The following MARS1 variants were observed in gnomAD, a reference collection of about 807,000 sequenced individuals.
MARS1 encodes methionine--tRNA ligase, cytoplasmic.
MARS1 carries 80 observed loss-of-function variants against 119.5 expected under a neutral mutation model. The ratio of observed to expected loss-of-function variants is 0.67; its 90% CI spans 0.56 to 0.81. The LOEUF (loss-of-function observed/expected upper bound fraction) is 0.81, where lower values mean the gene tolerates loss of function less well. Among genes scored for constraint, MARS1 ranks in the 30% least tolerant of loss-of-function variants. The pLI is 0.00. For missense variants in MARS1, 945 were observed against 1,116.5 expected (o/e 0.85, Z 2.19); for synonymous variants, 418 against 433.4 (o/e 0.96, Z 0.44).
chr12:57,490,795 T>A (rs1875892800), intron 7 of MARS1, 151 bp downstream of exon 7: 1 of 616,314 alleles, frequency 1.6e-6, no homozygotes, highest in Non-Finnish European at 2.8e-6. Flanking sequence ...TTTTTTTTTT[T>A]TTTTTTTTAC....
chr12:57,496,003 C>T (rs991139107), intron 7 of MARS1, among the ~76,000 whole-genome samples: 2 of 151,966 alleles, frequency 1.3e-5, no homozygotes, highest in Non-Finnish European at 2.9e-5. Flanking sequence ...AGTGGGAGAC[C>T]GTGGAAAGTC....
At position 57,500,618 on chromosome 12, in the gene MARS1, C is replaced by T; in HGVS notation, c.1293+96C>T. ...CATTTAGGATTTTTATTTTAGCATT[C>T]TAGACCTTTAACCAGTGGCCCTTTC... On this transcript the variant is annotated intron_variant, in intron 10 of 20. Coordinates refer to ENST00000262027, the MANE Select transcript of MARS1 (RefSeq NM_004990.4). 5 of 1,225,424 alleles carry T rather than the reference C, an allele frequency of 4.1e-6. No homozygotes were observed. In the South Asian group the frequency reaches 4.1e-5, roughly 10 times the overall value. The allele number at this position is 1,225,424 out of a possible 1,614,324, so 75.9% of individuals were successfully genotyped here.
In MARS1 at chr12:57,498,448, C is replaced by T; in HGVS notation, c.916C>T (p.Leu306Phe). The part of the protein sequence containing the change: ...RYSRLRQWNT[L>F]YLCGTDEYGT... ...CTCTCGCCTCCGCCAGTGGAACACC[C>T]TCTATCTGTGTGGGACAGATGAGTA... Residue 306 changes from leucine (L) to phenylalanine (F), a missense_variant, in exon 9 of 21, where the codon CTC becomes TTC. Coordinates refer to ENST00000262027, the MANE Select transcript of MARS1 (RefSeq NM_004990.4). 2 of 1,614,122 alleles carry T rather than the reference C, an allele frequency of 1.2e-6. No homozygotes were observed. Among genetic ancestry groups the T allele is most frequent in the Non-Finnish European group, 8.5e-7 (1 of 1,180,044 alleles).
intron 15 of MARS1, among the ~76,000 whole-genome samples, chr12:57,514,058 T>G (rs1594834667): frequency 1.0e-5 from 1 of 98,674 alleles, no homozygotes; most frequent in Non-Finnish European, 2.0e-5. Context: ...GTGAGAATCC[T>G]CAAAAAAAAA....
At chr12:57,493,393 A>G (rs1484781477) in intron 7 of MARS1, among the ~76,000 whole-genome samples, 1 of 9,658 alleles carries the variant, frequency 1.0e-4, no homozygotes, top group Non-Finnish European at 1.8e-4. Flanking sequence ...AATATATTAT[A>G]TATAATATAT....
At position 57,498,243 on chromosome 12, in the gene MARS1, G is replaced by T; in HGVS notation, c.857G>T (p.Gly286Val). The T allele has an allele frequency of 6.2e-7, 1 of 1,614,188 alleles. No individual in the cohort carries two copies. Residue 286 changes from glycine to valine, a missense_variant, in exon 8 of 21, where the codon GGT becomes GTT. Gly to Val is a moderately radical substitution (Grantham distance 109). Transcript: ENST00000262027. Reference sequence around the variant, plus strand: ...GTCCCCCACCTTGGGAACATCATTGGTTGTGTGCTCAGTGCCGATGTCTTT... The same window carrying T: ...GTCCCCCACCTTGGGAACATCATTGTTTGTGTGCTCAGTGCCGATGTCTTT... ...NNVPHLGNII[G>V]CVLSADVFAR... is the part of the protein sequence containing the mutation.
At chr12:57,488,276 G>C (rs1875611398) in intron 1 of MARS1, 77 bp downstream of exon 1, 1 of 1,391,026 alleles carries the variant, frequency 7.2e-7, no homozygotes, top group South Asian at 1.2e-5. Flanking sequence ...AGCTGTCTTT[G>C]CCAAACCCCT....
Position 57,512,785 on chromosome 12 carries a change from G to C in MARS1, c.1788G>C (p.Lys596Asn). The C allele has an allele frequency of 7.4e-6, 12 of 1,614,168 alleles. No homozygotes were observed. The highest frequency in any genetic ancestry group is 9.3e-6 in the Non-Finnish European group (11 of 1,180,000). Residue 596 changes from lysine (K) to asparagine (N), a missense_variant, in exon 15 of 21, where the codon AAG becomes AAC. Lys to Asn is a moderately conservative substitution (Grantham distance 94, BLOSUM62 0). Coordinates refer to ENST00000262027, the MANE Select transcript of MARS1 (RefSeq NM_004990.4). ...YLNYEDGKFS[K>N]SRGVGVFGDM... ...ACTATGAGGATGGGAAATTCTCTAA[G>C]AGCCGCGGTGTGGGAGTGTTTGGGG... is the stretch of plus-strand genomic sequence containing the variant.
At position 57,504,270 on chromosome 12, in the gene MARS1, A is replaced by C; in HGVS notation, c.1339A>C (p.Ser447Arg). The part of the protein sequence containing the change: ...VCRSCPVVQS[S>R]QHLFLDLPKL... ...CCGATCATGCCCTGTGGTGCAGTCG[A>C]GCCAGCACCTGTTTCTGGACCTGCC... is the stretch of plus-strand genomic sequence containing the variant. The change falls in exon 11 of 21, where the codon AGC becomes CGC. Residue 447 changes from serine (S) to arginine (R), a missense_variant. Transcript: ENST00000262027. The C allele has an allele frequency of 6.2e-7, 1 of 1,614,166 alleles. No homozygotes were observed.
chr12:57,511,107 T>C (rs944376731), intron 11 of MARS1, among the ~76,000 whole-genome samples: 3 of 150,788 alleles, frequency 2.0e-5, no homozygotes, highest in African/African-American at 4.9e-5. Context: ...AAGAATGACA[T>C]GCAAACTTGT....
At chr12:57,505,684 A>G (rs1877150410) in intron 11 of MARS1, among the ~76,000 whole-genome samples, 1 of 151,752 alleles carries the variant, frequency 6.6e-6, no homozygotes, top group African/African-American at 2.4e-5. Context: ...TGGTGGTGCG[A>G]TCCTGTAGTC....
intron 11 of MARS1, among the ~76,000 whole-genome samples, chr12:57,510,980 G>A (rs1379111556): frequency 3.3e-5 from 5 of 151,966 alleles, no homozygotes; most frequent in Admixed American, 1.3e-4. Flanking sequence ...AGGCTGAGGT[G>A]GAAGGATCAC....
chr12:57,512,735 A>AT lies in MARS1; in HGVS notation c.1754-14dup. ...TGATGTGAGCAGATGGTTCTCACTC[A>AT]TTCTCCTCTGTCCAGAGTACCTGAA... On this transcript the variant is annotated splice_polypyrimidine_tract_variant and intron_variant, in intron 14 of 20. Coordinates refer to ENST00000262027, the MANE Select transcript of MARS1 (RefSeq NM_004990.4). The AT allele has an allele frequency of 6.3e-7, 1 of 1,598,314 alleles. No homozygotes were observed. The highest frequency in any genetic ancestry group is 8.6e-7 in the Non-Finnish European group (1 of 1,165,746).
Position 57,512,062 on chromosome 12 carries a change from T to A in MARS1, c.1594T>A (p.Tyr532Asn), listed in dbSNP as rs375218777. 1.9e-6 allele frequency: 3 copies of A among 1,614,050 alleles called. No individual in the cohort carries two copies. Among genetic ancestry groups the A allele is most frequent in the Non-Finnish European group, 1.7e-6 (2 of 1,180,036 alleles). ...TIGYLSITAN[Y>N]TDQWERWWKN... ...TGGCTATCTGTCCATCACAGCCAAC[T>A]ACACAGACCAGTGGGAGAGATGGTG... Residue 532 changes from tyrosine (Y) to asparagine (N), a missense_variant, in exon 13 of 21, where the codon TAC (tyrosine) becomes AAC (asparagine). Tyr to Asn is a moderately radical substitution (Grantham distance 143, BLOSUM62 -2). Coordinates refer to ENST00000262027, the MANE Select transcript of MARS1 (RefSeq NM_004990.4).
At position 57,516,434 on chromosome 12, in the gene MARS1, G is replaced by A. The variant is rs1306630145; in HGVS notation, c.2557-1G>A. Reference sequence around the variant, plus strand: ...TACCTCCCCACCCCCCTTTATCTTAGGGAAACATTGTCCGAGAACTGAAAG... The same window carrying A: ...TACCTCCCCACCCCCCTTTATCTTAAGGAAACATTGTCCGAGAACTGAAAG... On this transcript the variant is annotated splice_acceptor_variant, in intron 20 of 20. Coordinates refer to ENST00000262027, the MANE Select transcript of MARS1 (RefSeq NM_004990.4). LOFTEE classifies it high-confidence loss of function. 1 of 1,612,908 alleles carries A rather than the reference G, an allele frequency of 6.2e-7. No individual in the cohort carries two copies. The highest frequency in any genetic ancestry group is 1.1e-5 in the South Asian group (1 of 90,890).
intron 11 of MARS1, among the ~76,000 whole-genome samples, chr12:57,504,764 C>T (rs977054042): frequency 3.0e-5 from 4 of 134,706 alleles, no homozygotes; most frequent in African/African-American, 5.6e-5. Flanking sequence ...TGTGCAATGG[C>T]GCACTCTTGG....
At chr12:57,490,137 G>A in intron 5 of MARS1, 70 bp from the exon 6 acceptor site, 1 of 1,534,904 alleles carries the variant, frequency 6.5e-7, no homozygotes, top group Non-Finnish European at 8.9e-7. Context: ...TCACAAAGAA[G>A]GGGAAAGATG....
At chr12:57,498,076 G>T in intron 7 of MARS1, 81 bp from the exon 8 acceptor site, 2 of 850,270 alleles carry the variant, frequency 2.4e-6, no homozygotes, top group Non-Finnish European at 4.0e-6. Flanking sequence ...ACAAATCTGT[G>T]TCCGGGTGTT....
chr12:57,504,695 A>ATTTTTTTTTTTTT (rs34351056), intron 11 of MARS1, among the ~76,000 whole-genome samples: 1 of 83,602 alleles, frequency 1.2e-5, no homozygotes, highest in Non-Finnish European at 2.1e-5. Flanking sequence ...TGCCTGACTG[A>ATTTTTTTTTTTTT]TTTTTTTTTT....
Sources: allele counts gnomAD v4.1 joint callset (sites outside exome capture counted in the v4.1 genomes callset), GRCh38; gene constraint gnomAD v4.1.1; transcripts MANE v1.5; gene names NCBI Gene and HGNC (gene_info 2026-07-23, HGNC 2026-07-21).